The following CCSER1 variants were observed in gnomAD, a reference collection of about 807,000 sequenced individuals.
The protein encoded by CCSER1 is coiled-coil serine rich protein 1, also known as serine-rich coiled-coil domain-containing protein 1.
A neutral mutation model predicts 82.0 loss-of-function variants in CCSER1; 41 were observed. The observed-to-expected ratio is 0.50, with a 90% CI of 0.39 to 0.65. The LOEUF (loss-of-function observed/expected upper bound fraction) is 0.65, where lower values mean the gene tolerates loss of function less well. Among genes scored for constraint, CCSER1 ranks in the 30% least tolerant of loss-of-function variants. The pLI is 0.00. For synonymous variants in CCSER1, 414 were observed against 383.9 expected, an observed-to-expected ratio of 1.08 and a Z score of -0.92; for missense variants, 1,119 against 1,064.2, an observed-to-expected ratio of 1.05 and a Z score of -0.72.
intron 10 of CCSER1, among the ~76,000 whole-genome samples, chr4:91,426,775 ATT>A (rs1244608912): frequency 2.0e-5 from 3 of 152,148 alleles, no homozygotes; most frequent in Non-Finnish European, 4.4e-5. Context: ...TCTAAAAACA[ATT>A]TTGAAAAGTA....
intron 4 of CCSER1, among the ~76,000 whole-genome samples, chr4:90,465,543 C>G (rs763211195): frequency 3.3e-5 from 5 of 152,032 alleles, no homozygotes; most frequent in African/African-American, 4.8e-5. Context: ...TTTCTTTTCT[C>G]TACTTTCATT....
intron 6 of CCSER1, among the ~76,000 whole-genome samples, chr4:90,669,290 A>T (rs191609407): frequency 6.6e-6 from 1 of 152,092 alleles, no homozygotes; most frequent in African/African-American, 2.4e-5. Context: ...AACTTATTAA[A>T]ATATATGGTC....
At chr4:90,774,806 G>A (rs1487836056) in intron 7 of CCSER1, among the ~76,000 whole-genome samples, 1 of 151,994 alleles carries the variant, frequency 6.6e-6, no homozygotes, top group Non-Finnish European at 1.5e-5. Context: ...AATTAAAGTA[G>A]GCAGTCATCC....
At position 90,647,517 on chromosome 4, in the gene CCSER1, ATCATAGC is replaced by A. The variant is rs139569048; in HGVS notation, c.1932+19287_1932+19293del. 4.8e-3 allele frequency among the ~76,000 whole-genome samples: 737 copies of A among 152,330 alleles called. 4 individuals carry two copies. The highest frequency in any genetic ancestry group is 0.017 in the African/African-American group (693 of 41,578). Reference sequence around the variant, plus strand: ...AAACATAAAACTAGAAATTTGAAAGATCATAGCTTTTCTCCCCAAAAGCATGCTATGT... The same window carrying A: ...AAACATAAAACTAGAAATTTGAAAGATTTTCTCCCCAAAAGCATGCTATGT... On this transcript the variant is annotated intron_variant, in intron 6 of 10. Coordinates refer to ENST00000509176, the MANE Select transcript of CCSER1 (RefSeq NM_001145065.2).
Position 90,269,413 on chromosome 4 carries a change from A to G in CCSER1, c.-41-38831A>G, listed in dbSNP as rs74883212. Among the ~76,000 whole-genome samples the G allele has an allele frequency of 5.8e-4, 89 of 152,246 alleles. 2 individuals are homozygous for G. The East Asian group carries it at 0.017, about 29-fold the overall frequency. ...AAAGATGTACAACACATGGAACTTAAATAGTTTGTTTCTGAGTGACTAGTG... is the reference window on the plus strand; with the variant it reads ...AAAGATGTACAACACATGGAACTTAGATAGTTTGTTTCTGAGTGACTAGTG... On this transcript the variant is annotated intron_variant, in intron 1 of 10. Coordinates refer to ENST00000509176, the MANE Select transcript of CCSER1 (RefSeq NM_001145065.2).
intron 1 of CCSER1, among the ~76,000 whole-genome samples, chr4:90,176,597 C>CT (rs927587756): frequency 1.5e-4 from 23 of 151,390 alleles, no homozygotes; most frequent in African/African-American, 4.8e-4. Context: ...GATACTGATA[C>CT]TTTTTTTTTC....
intron 7 of CCSER1, among the ~76,000 whole-genome samples, chr4:90,758,416 G>GA (rs748051865): frequency 6.6e-6 from 1 of 151,782 alleles, no homozygotes; most frequent in Non-Finnish European, 1.5e-5. Context: ...TATATTTGGG[G>GA]AAAAATAAAA....
chr4:90,471,100 A>G (rs1764337434), intron 5 of CCSER1, among the ~76,000 whole-genome samples: 1 of 152,214 alleles, frequency 6.6e-6, no homozygotes. Flanking sequence ...TATTTAAATC[A>G]TAAACATTGA....
At chr4:90,220,542 A>C (rs1309855930) in intron 1 of CCSER1, among the ~76,000 whole-genome samples, 1 of 152,160 alleles carries the variant, frequency 6.6e-6, no homozygotes, top group Admixed American at 6.6e-5. Context: ...AACAAAACAG[A>C]AATCAGGTTT....
chr4:91,552,955 T>C (rs1009061080), intron 10 of CCSER1, among the ~76,000 whole-genome samples: 1 of 151,584 alleles, frequency 6.6e-6, no homozygotes, highest in Non-Finnish European at 1.5e-5. Context: ...TTTTTGCTGA[T>C]CTTAGAGGAC....
intron 10 of CCSER1, among the ~76,000 whole-genome samples, chr4:91,377,345 A>C (rs1277082357): frequency 6.6e-6 from 1 of 152,118 alleles, no homozygotes; most frequent in African/African-American, 2.4e-5. Context: ...ACAATGGTTG[A>C]ACTAGTTTAC....
intron 10 of CCSER1, among the ~76,000 whole-genome samples, chr4:91,225,485 AC>A (rs1738130491): frequency 6.7e-6 from 1 of 149,586 alleles, no homozygotes; most frequent in African/African-American, 2.4e-5. Context: ...ATGGATAGAT[AC>A]CTACATATTT....
intron 4 of CCSER1, among the ~76,000 whole-genome samples, chr4:90,409,793 A>T (rs144737143): frequency 1.2e-4 from 18 of 152,326 alleles, no homozygotes; most frequent in African/African-American, 4.1e-4. Flanking sequence ...CTAACCTTAA[A>T]TGTAAATGGG....
At chr4:91,072,592 G>A (rs1721550460) in intron 9 of CCSER1, among the ~76,000 whole-genome samples, 2 of 152,074 alleles carry the variant, frequency 1.3e-5, no homozygotes, top group South Asian at 4.1e-4. Context: ...ATGTCAGTTA[G>A]TTATCTCAAC....
intron 10 of CCSER1, among the ~76,000 whole-genome samples, chr4:91,463,303 GT>G (rs1321217445): frequency 6.6e-6 from 1 of 152,172 alleles, no homozygotes; most frequent in Non-Finnish European, 1.5e-5. Context: ...GGTGCTGACT[GT>G]TAGAAGGAAA....
intron 7 of CCSER1, among the ~76,000 whole-genome samples, chr4:90,799,266 G>A (rs926637894): frequency 1.3e-5 from 2 of 152,170 alleles, no homozygotes; most frequent in African/African-American, 2.4e-5. Flanking sequence ...TAGCACAAGG[G>A]CAGGGTGCTG....
At chr4:91,063,406 T>C (rs1430817130) in intron 9 of CCSER1, among the ~76,000 whole-genome samples, 1 of 152,200 alleles carries the variant, frequency 6.6e-6, no homozygotes, top group East Asian at 1.9e-4. Flanking sequence ...GCAATTACTA[T>C]TGTCATCATC....
intron 10 of CCSER1, among the ~76,000 whole-genome samples, chr4:91,361,147 A>G (rs1252040373): frequency 1.3e-5 from 2 of 151,840 alleles, no homozygotes; most frequent in East Asian, 1.9e-4. Context: ...TTTCACATAT[A>G]TGTTTTATTA....
chr4:91,127,410 G>A (rs1475352068), intron 10 of CCSER1, among the ~76,000 whole-genome samples: 1 of 152,010 alleles, frequency 6.6e-6, no homozygotes, highest in East Asian at 1.9e-4. Flanking sequence ...TCATTCTGCT[G>A]CAGGTGCATT....
Sources: allele counts gnomAD v4.1 joint callset (sites outside exome capture counted in the v4.1 genomes callset), GRCh38; gene constraint gnomAD v4.1.1; transcripts MANE v1.5; gene names NCBI Gene and HGNC (gene_info 2026-07-23, HGNC 2026-07-21).